ACAA2: variants seen among roughly 807,000 people sequenced by gnomAD.
ACAA2 encodes 3-ketoacyl-CoA thiolase, mitochondrial.
Under a neutral mutation model 44.8 loss-of-function variants are expected in ACAA2, and 35 were observed. The observed-to-expected ratio is 0.78, with a 90% CI of 0.60 to 1.04. The LOEUF is 1.04. Among genes scored for constraint, ACAA2 ranks in the 50% least tolerant of loss-of-function variants. The probability of loss-of-function intolerance (pLI) is 0.00; values close to 1 mark genes in which losing one functional copy is unlikely to be tolerated. For synonymous variants in ACAA2, 142 were observed against 166.5 expected (o/e 0.85, Z 1.13); for missense variants, 468 against 482.6 (o/e 0.97, Z 0.28).
chr18:49,783,696 G>A lies in ACAA2; in HGVS notation c.*151C>T. 1 of 606,442 alleles carries A rather than the reference G, an allele frequency of 1.6e-6. No homozygotes were observed. Among genetic ancestry groups the A allele is most frequent in the Non-Finnish European group, 3.0e-6 (1 of 332,046 alleles). 37.6% of individuals were successfully genotyped at this position (606,442 alleles called of 1,614,324 possible). ...GCATGGGCTCCTATTCATGATCAAT[G>A]CATTTTTGTGTCACCATGGCTTGAT... On this transcript the variant is annotated 3_prime_UTR_variant, in exon 10 of 10. Transcript: ENST00000285093.
intron 8 of ACAA2, 172 bp from the exon 9 acceptor site, chr18:49,785,523 T>C (rs924744864): frequency 3.1e-6 from 2 of 650,358 alleles, no homozygotes; most frequent in Admixed American, 3.1e-5. Flanking sequence ...GTTTAAAATG[T>C]GTATATTTAC....
chr18:49,795,780 A>C lies in ACAA2; in HGVS notation c.414T>G (p.Leu138=). 1 of 1,606,774 alleles carries C rather than the reference A, an allele frequency of 6.2e-7. No homozygotes were observed. The highest frequency in any genetic ancestry group is 8.5e-7 in the Non-Finnish European group (1 of 1,176,394). Residue 138 remains leucine, a synonymous_variant, in exon 4 of 10, where the codon CTT becomes CTG. Transcript: ENST00000285093. ...TGGTTCCAACCTTGATATCTGATCC[A>C]AGCTTGGTTCCAAAACGCACATTTC... ...CVRNVRFGTK[L]GSDIKLEDSL...
At chr18:49,788,684 A>G (rs558060948) in intron 7 of ACAA2, among the ~76,000 whole-genome samples, 18 of 152,334 alleles carry the variant, frequency 1.2e-4, no homozygotes, top group African/African-American at 4.3e-4. Flanking sequence ...AAGGTGGACA[A>G]TGTTCAGACC....
At chr18:49,805,035 CAT>C (rs2023596721) in intron 1 of ACAA2, among the ~76,000 whole-genome samples, 2 of 152,326 alleles carry the variant, frequency 1.3e-5, no homozygotes, top group South Asian at 4.1e-4. Flanking sequence ...TTATAGCTAA[CAT>C]AGAGGGGACA....
chr18:49,787,156 A>T, intron 8 of ACAA2, 135 bp downstream of exon 8: 2 of 604,774 alleles, frequency 3.3e-6, no homozygotes, highest in South Asian at 4.7e-5. Flanking sequence ...CTATTTATTT[A>T]GATGTACATC....
chr18:49,785,387 TACTC>T (rs749652581), intron 8 of ACAA2, 36 bp from the exon 9 acceptor site: 26 of 1,604,080 alleles, frequency 1.6e-5, no homozygotes, highest in South Asian at 3.3e-5. Context: ...CAAAAATCCT[TACTC>T]ACAAACTAAT....
chr18:49,792,188 G>A lies in ACAA2; in HGVS notation c.717C>T (p.Phe239=). ...LEQLQKLPPV[F]KKDGTVTAGN... ...CTGCAGTAACAGTTCCATCTTTCTTGAATACTGGAGGAAGTTTCTGTAACT... is the reference window on the plus strand; with the variant it reads ...CTGCAGTAACAGTTCCATCTTTCTTAAATACTGGAGGAAGTTTCTGTAACT... The change falls in exon 6 of 10, where the codon TTC becomes TTT. Residue 239 remains phenylalanine (F), a synonymous_variant. Coordinates refer to ENST00000285093, the MANE Select transcript of ACAA2 (RefSeq NM_006111.3). 1 of 1,613,958 alleles carries A rather than the reference G, an allele frequency of 6.2e-7. No homozygotes were observed. The highest frequency in any genetic ancestry group is 8.5e-7 in the Non-Finnish European group (1 of 1,179,910).
chr18:49,784,134 AAGAACAAAAAC>A (rs1396973056), intron 9 of ACAA2, among the ~76,000 whole-genome samples: 2 of 149,412 alleles, frequency 1.3e-5, no homozygotes, highest in African/African-American at 2.5e-5. Context: ...ACAAAAAACA[AAGAACAAAAAC>A]AAACACCAGA....
In ACAA2 at chr18:49,804,154, A is replaced by G. The variant is rs541252618; in HGVS notation, c.17-1301T>C. On this transcript the variant is annotated intron_variant, in intron 1 of 9. Coordinates refer to ENST00000285093, the MANE Select transcript of ACAA2 (RefSeq NM_006111.3). ...TTGAACTCCTGACCTCAGGGGATCC[A>G]CCCACCTCAGCCTCCCAAAGTGCTA... Among the ~76,000 whole-genome samples the G allele has an allele frequency of 9.2e-5, 14 of 152,026 alleles. No homozygotes were observed. The South Asian group carries it at 2.7e-3, about 29-fold the overall frequency.
chr18:49,803,252 A>AATG, intron 1 of ACAA2, among the ~76,000 whole-genome samples: 1 of 147,276 alleles, frequency 6.8e-6, no homozygotes, highest in Non-Finnish European at 1.5e-5. Context: ...TAATAATAAT[A>AATG]ATAATAATAA....
chr18:49,797,109 T>C (rs1211595884), intron 3 of ACAA2, among the ~76,000 whole-genome samples: 1 of 152,064 alleles, frequency 6.6e-6, no homozygotes, highest in African/African-American at 2.4e-5. Context: ...AAACTCCATA[T>C]CCATTAAACA....
intron 1 of ACAA2, among the ~76,000 whole-genome samples, chr18:49,807,207 C>G (rs1403432627): frequency 6.6e-6 from 1 of 151,874 alleles, no homozygotes; most frequent in Non-Finnish European, 1.5e-5. Flanking sequence ...CCAGCCTAGG[C>G]AACATAGCGA....
chr18:49,801,512 C>A (rs1346128671), intron 2 of ACAA2, among the ~76,000 whole-genome samples: 2 of 151,938 alleles, frequency 1.3e-5, no homozygotes, highest in East Asian at 3.9e-4. Context: ...ATAAAAAGAA[C>A]AAAAGACAAT....
chr18:49,807,962 T>G, intron 1 of ACAA2, among the ~76,000 whole-genome samples: 1 of 149,674 alleles, frequency 6.7e-6, no homozygotes, highest in Non-Finnish European at 1.5e-5. Context: ...ACATACAAAG[T>G]GTTCTTACAG....
intron 9 of ACAA2, among the ~76,000 whole-genome samples, chr18:49,784,329 T>C (rs150797632): frequency 4.7e-4 from 72 of 152,308 alleles, no homozygotes; most frequent in African/African-American, 1.7e-3. Context: ...CTTTGATTTA[T>C]ATATTTGATT....
chr18:49,798,495 A>G (rs1030597621), intron 2 of ACAA2, among the ~76,000 whole-genome samples: 3 of 151,988 alleles, frequency 2.0e-5, no homozygotes, highest in African/African-American at 7.2e-5. Flanking sequence ...AAAACCAACA[A>G]CAACCAAAAA....
intron 1 of ACAA2, among the ~76,000 whole-genome samples, chr18:49,804,099 CG>C (rs1288020794): frequency 1.3e-5 from 2 of 151,954 alleles, no homozygotes; most frequent in Non-Finnish European, 2.9e-5. Flanking sequence ...TTAGTAGAGA[CG>C]GGGTTTCACC....
rs1369471624 is a variant in ACAA2 at position 49,782,545 on chromosome 18, C to CTA, written c.*1301_*1302insTA. 8 of 71,052 alleles carry CTA rather than the reference C, an allele frequency of 1.1e-4. No individual in the cohort carries two copies. The highest frequency in any genetic ancestry group is 1.5e-4 in the African/African-American group (3 of 19,506). 4.4% of individuals were successfully genotyped at this position (71,052 alleles called of 1,614,324 possible). A position where few individuals can be genotyped will look rare whatever the true frequency, so the allele number is the denominator to read the frequency against. ...CCTGGGTGACAGAGCAAGATGCTAT[C>CTA]TCAAAAAAAAAAAAAAAAGGCCGGG... On this transcript the variant is annotated 3_prime_UTR_variant, in exon 10 of 10. Coordinates refer to ENST00000285093, the MANE Select transcript of ACAA2 (RefSeq NM_006111.3).
Position 49,787,354 on chromosome 18 carries a change from G to C in ACAA2, c.891C>G (p.Val297=), listed in dbSNP as rs1244661962. The C allele has an allele frequency of 6.9e-7, 1 of 1,453,806 alleles. No homozygotes were observed. Among genetic ancestry groups the C allele is most frequent in the Non-Finnish European group, 9.1e-7 (1 of 1,103,546 alleles). The allele number at this position is 1,453,806 out of a possible 1,614,324, so 90.1% of individuals were successfully genotyped here. A position where few individuals can be genotyped will look rare whatever the true frequency, so the allele number is the denominator to read the frequency against. ...TCTTCAGTGCCCCACTGATAGCAGG[G>C]ACAGGACCTATATAATAATAAAAAT... is the stretch of plus-strand genomic sequence containing the variant. ...CDPSIMGIGP[V]PAISGALKKA... Residue 297 remains valine (V), a synonymous_variant, in exon 8 of 10, where the codon GTC becomes GTG. Coordinates refer to ENST00000285093, the MANE Select transcript of ACAA2 (RefSeq NM_006111.3).
Sources: allele counts gnomAD v4.1 joint callset (sites outside exome capture counted in the v4.1 genomes callset), GRCh38; gene constraint gnomAD v4.1.1; transcripts MANE v1.5; gene names NCBI Gene and HGNC (gene_info 2026-07-23, HGNC 2026-07-21).